STUM: variants seen among roughly 807,000 people sequenced by gnomAD.
The protein encoded by STUM is protein stum homolog.
STUM carries 8 observed loss-of-function variants against 15.3 expected under a neutral mutation model. That is an observed-to-expected ratio of 0.52 (90% CI 0.31 to 0.94). The LOEUF (loss-of-function observed/expected upper bound fraction) is 0.94. Ranked by LOEUF, STUM falls within the 40% of genes least tolerant of loss-of-function variation. STUM has a pLI of 0.05. For missense variants in STUM, 142 were observed against 204.9 expected, an observed-to-expected ratio of 0.69 and a Z score of 1.87; for synonymous variants, 78 against 88.7, an observed-to-expected ratio of 0.88 and a Z score of 0.68.
intron 1 of STUM, among the ~76,000 whole-genome samples, chr1:226,553,854 T>C (rs1667407074): frequency 6.6e-6 from 1 of 152,206 alleles, no homozygotes; most frequent in Non-Finnish European, 1.5e-5. Context: ...TAAGAATAGC[T>C]ATAAAGGAGT....
At position 226,600,350 on chromosome 1, in the gene STUM, A is replaced by G. The variant is rs1668244804; in HGVS notation, c.383-316A>G. ...GCAGCAGTGTGGGCATGGCCAGGATATGGAGGGCTGGGGAGGCAGTGGACC... is the reference window on the plus strand; with the variant it reads ...GCAGCAGTGTGGGCATGGCCAGGATGTGGAGGGCTGGGGAGGCAGTGGACC... On this transcript the variant is annotated intron_variant, in intron 2 of 3. Coordinates refer to ENST00000366788, the MANE Select transcript of STUM (RefSeq NM_001003665.4). This position sits in a 1 kb window ranked among gnomAD's most constrained non-coding sequence, Gnocchi z 5.2. 6.6e-6 allele frequency among the ~76,000 whole-genome samples: 1 copy of G among 152,192 alleles called. No homozygotes were observed. Among genetic ancestry groups the G allele is most frequent in the South Asian group, 2.1e-4 (1 of 4,826 alleles).
chr1:226,592,879 T>G lies in STUM; in HGVS notation c.203-3923T>G, dbSNP rs559570800. 2.5e-4 allele frequency among the ~76,000 whole-genome samples: 38 copies of G among 152,292 alleles called. No individual in the cohort carries two copies. In the South Asian group the frequency reaches 7.9e-3, roughly 32 times the overall value. ...CTCATCCCAGTTCATCTTTCCCATC[T>G]CAGACACTTTAAATCCACCCTGCCA... is the stretch of plus-strand genomic sequence containing the variant. On this transcript the variant is annotated intron_variant, in intron 1 of 3. Coordinates refer to ENST00000366788, the MANE Select transcript of STUM (RefSeq NM_001003665.4).
At chr1:226,578,467 GT>G (rs1374573761) in intron 1 of STUM, among the ~76,000 whole-genome samples, 2 of 147,914 alleles carry the variant, frequency 1.4e-5, no homozygotes, top group African/African-American at 5.0e-5. Flanking sequence ...CTGGGCTCAA[GT>G]GATCCTCCCA....
At chr1:226,573,602 T>G (rs181992364) in intron 1 of STUM, among the ~76,000 whole-genome samples, 14 of 152,330 alleles carry the variant, frequency 9.2e-5, no homozygotes, top group Admixed American at 7.8e-4. Context: ...AGTGACAATG[T>G]CTTTTAAACT....
At chr1:226,560,527 CATTCTCAATGA>C (rs1440813056) in intron 1 of STUM, among the ~76,000 whole-genome samples, 2 of 152,178 alleles carry the variant, frequency 1.3e-5, no homozygotes, top group Non-Finnish European at 2.9e-5. Context: ...GAGCAGAAAA[CATTCTCAATGA>C]AAATGGAATA....
intron 1 of STUM, among the ~76,000 whole-genome samples, chr1:226,573,841 T>C (rs1170349159): frequency 6.6e-6 from 1 of 150,618 alleles, no homozygotes; most frequent in African/African-American, 2.4e-5. Flanking sequence ...CAATATACTT[T>C]TTTTTTTTTT....
intron 1 of STUM, among the ~76,000 whole-genome samples, chr1:226,560,726 C>A (rs1667525867): frequency 6.6e-6 from 1 of 152,068 alleles, no homozygotes; most frequent in African/African-American, 2.4e-5. Context: ...GAAGTGGGTC[C>A]CCTGGGTCAC....
At chr1:226,581,926 C>T (rs1458886108) in intron 1 of STUM, among the ~76,000 whole-genome samples, 1 of 152,240 alleles carries the variant, frequency 6.6e-6, no homozygotes, top group African/African-American at 2.4e-5. Context: ...CTCTCTGCAG[C>T]TGCTGCAGTT....
In STUM at chr1:226,549,229, G is replaced by A. The variant is rs1173202065; in HGVS notation, c.202+123G>A. ...CGCGCTCCAAGTGCTGCGACCACGC[G>A]CCACCGCCCGCTCCTGGCGTCCCCG... is the stretch of plus-strand genomic sequence containing the variant. On this transcript the variant is annotated intron_variant, in intron 1 of 3. Coordinates refer to ENST00000366788, the MANE Select transcript of STUM (RefSeq NM_001003665.4). The surrounding 1 kb of genome is among the most constrained non-coding windows in gnomAD (Gnocchi z 6.8). 2 of 787,410 alleles carry A rather than the reference G, an allele frequency of 2.5e-6. No individual in the cohort carries two copies. Among genetic ancestry groups the A allele is most frequent in the East Asian group, 6.5e-5 (2 of 30,932 alleles). The allele number at this position is 787,410 out of a possible 1,614,324, so 48.8% of individuals were successfully genotyped here.
intron 1 of STUM, among the ~76,000 whole-genome samples, chr1:226,575,809 A>T (rs565199377): frequency 6.6e-6 from 1 of 152,324 alleles, no homozygotes; most frequent in East Asian, 1.9e-4. Flanking sequence ...ACGCCAATAG[A>T]TAGTCAGCCT....
chr1:226,604,368 T>A lies in STUM; in HGVS notation c.*2328T>A. 6.6e-6 allele frequency: 1 copy of A among 152,268 alleles called. No individual in the cohort carries two copies. The highest frequency in any genetic ancestry group is 1.5e-5 in the Non-Finnish European group (1 of 68,066). 9.4% of individuals were successfully genotyped at this position (152,268 alleles called of 1,614,324 possible). A position where few individuals can be genotyped will look rare whatever the true frequency, so the allele number is the denominator to read the frequency against. The stretch of plus-strand genomic sequence containing the variant: ...GGAGGGCCACTGCGCCCCCAGATCC[T>A]CCTCTCCCCCGAGGGCTGCGTCTCT... On this transcript the variant is annotated 3_prime_UTR_variant, in exon 4 of 4. Transcript: ENST00000366788. This position sits in a 1 kb window ranked among gnomAD's most constrained non-coding sequence, Gnocchi z 4.7.
rs1180137583 is a variant in STUM at position 226,549,722 on chromosome 1, GGGGGATGATTTTATTAGTTT to G, written c.202+619_202+638del. 5.9e-5 allele frequency among the ~76,000 whole-genome samples: 9 copies of G among 152,194 alleles called. No homozygotes were observed. The highest frequency in any genetic ancestry group is 2.2e-4 in the African/African-American group (9 of 41,458). ...GCACCCCGCAGGGCGCCAGGGGGATGGGGGATGATTTTATTAGTTTGGATGCATGTGGCCAGAGATGAACC... is the reference window on the plus strand; with the variant it reads ...GCACCCCGCAGGGCGCCAGGGGGATGGGATGCATGTGGCCAGAGATGAACC... On this transcript the variant is annotated intron_variant, in intron 1 of 3. Coordinates refer to ENST00000366788, the MANE Select transcript of STUM (RefSeq NM_001003665.4). This position sits in a 1 kb window ranked among gnomAD's most constrained non-coding sequence, Gnocchi z 6.8.
At chr1:226,566,357 T>A (rs1467566689) in intron 1 of STUM, among the ~76,000 whole-genome samples, 1 of 152,206 alleles carries the variant, frequency 6.6e-6, no homozygotes, top group Non-Finnish European at 1.5e-5. Flanking sequence ...TCTGATTTTT[T>A]TCCCCCTCTT....
chr1:226,573,383 C>A (rs553127680), intron 1 of STUM, among the ~76,000 whole-genome samples: 5 of 152,298 alleles, frequency 3.3e-5, no homozygotes, highest in African/African-American at 9.6e-5. Flanking sequence ...AAAACCAACT[C>A]AAGCTGGTTT....
chr1:226,600,595 T>C lies in STUM; in HGVS notation c.383-71T>C. On this transcript the variant is annotated intron_variant, in intron 2 of 3. Coordinates refer to ENST00000366788, the MANE Select transcript of STUM (RefSeq NM_001003665.4). This position sits in a 1 kb window ranked among gnomAD's most constrained non-coding sequence, Gnocchi z 5.2. ...TGCCAAGCGTTCCCTGTGGCTCTGT[T>C]TTCAGGCTGTGTTTTCTCTTCTTCT... The C allele has an allele frequency of 6.3e-7, 1 of 1,586,326 alleles. No individual in the cohort carries two copies.
intron 1 of STUM, among the ~76,000 whole-genome samples, chr1:226,586,841 A>G (rs1450384056): frequency 6.6e-6 from 1 of 152,082 alleles, no homozygotes; most frequent in African/African-American, 2.4e-5. Context: ...GACCTGCTGG[A>G]AGGTAGGAAG....
intron 1 of STUM, among the ~76,000 whole-genome samples, chr1:226,556,377 AAGGCAGGCACTAATGAATACAG>A (rs1667446439): frequency 2.0e-5 from 3 of 152,214 alleles, no homozygotes; most frequent in Non-Finnish European, 4.4e-5. Flanking sequence ...GTCTAATGGG[AAGGCAGGCACTAATGAATACAG>A]ACAGTAGTGT....
chr1:226,605,332 G>A lies in STUM; in HGVS notation c.*3292G>A, dbSNP rs1423644915. The A allele has an allele frequency of 6.6e-6, 1 of 152,614 alleles. No individual in the cohort carries two copies. Among genetic ancestry groups the A allele is most frequent in the Non-Finnish European group, 1.5e-5 (1 of 68,396 alleles). The allele number at this position is 152,614 out of a possible 1,614,324, so 9.5% of individuals were successfully genotyped here. ...GAGAAGCTCCGAGAGAGTAAGTCAT[G>A]TGCCCCCAAACACTCAGCTCCTAAG... On this transcript the variant is annotated 3_prime_UTR_variant, in exon 4 of 4. Coordinates refer to ENST00000366788, the MANE Select transcript of STUM (RefSeq NM_001003665.4). This position sits in a 1 kb window ranked among gnomAD's most constrained non-coding sequence, Gnocchi z 4.0.
intron 1 of STUM, among the ~76,000 whole-genome samples, chr1:226,570,446 G>A (rs1392462529): frequency 6.6e-6 from 1 of 152,200 alleles, no homozygotes; most frequent in African/African-American, 2.4e-5. Flanking sequence ...AGAGTAAGAG[G>A]GAAGAAGCTA....
Sources: gnomAD v4.1 joint callset for allele counts (sites outside exome capture counted in the v4.1 genomes callset) on GRCh38, gnomAD v4.1.1 for gene constraint, Gnocchi (gnomAD v3.1) non-coding constraint, MANE v1.5 for transcripts, NCBI Gene and HGNC (gene_info 2026-07-23, HGNC 2026-07-21) for gene names.